THSD7B: variants seen among roughly 807,000 people sequenced by gnomAD.
THSD7B encodes the protein thrombospondin type-1 domain-containing protein 7B.
A neutral mutation model predicts 213.6 loss-of-function variants in THSD7B; 138 were observed. The ratio of observed to expected loss-of-function variants is 0.65; its 90% CI spans 0.56 to 0.74. THSD7B has a LOEUF of 0.74. THSD7B is among the 30% of genes least tolerant of loss of function. The pLI is 0.00. For synonymous variants in THSD7B, 742 were observed against 687.0 expected (o/e 1.08, Z -1.25); for missense variants, 1,931 against 1,991.5 (o/e 0.97, Z 0.58).
chr2:137,303,790 T>A (rs1013047891), intron 12 of THSD7B, among the ~76,000 whole-genome samples: 1 of 146,488 alleles, frequency 6.8e-6, no homozygotes, highest in Non-Finnish European at 1.5e-5. Context: ...TAAATAGGAT[T>A]TGGAGCTTCT....
At chr2:137,566,947 T>C (rs962840184) in intron 16 of THSD7B, among the ~76,000 whole-genome samples, 3 of 152,056 alleles carry the variant, frequency 2.0e-5, no homozygotes, top group Admixed American at 6.6e-5. Context: ...TGAATAAGCA[T>C]GAAGATCTGT....
intron 4 of THSD7B, among the ~76,000 whole-genome samples, chr2:137,110,133 C>T (rs1558924296): frequency 6.6e-6 from 1 of 152,150 alleles, no homozygotes; most frequent in Non-Finnish European, 1.5e-5. Context: ...ATCTCTCTCT[C>T]CCCACCTGGT....
At chr2:136,858,606 A>G (rs938461757) in intron 1 of THSD7B, among the ~76,000 whole-genome samples, 1 of 152,236 alleles carries the variant, frequency 6.6e-6, no homozygotes, top group African/African-American at 2.4e-5. Context: ...ATGATCTAAA[A>G]TAGTGATGCC....
At chr2:137,477,366 A>G (rs968620006) in intron 15 of THSD7B, among the ~76,000 whole-genome samples, 1 of 152,012 alleles carries the variant, frequency 6.6e-6, no homozygotes, top group African/African-American at 2.4e-5. Flanking sequence ...ATCTTTTTCC[A>G]TTCCTTTACT....
intron 14 of THSD7B, among the ~76,000 whole-genome samples, chr2:137,424,956 C>T (rs1422258954): frequency 6.6e-6 from 1 of 151,616 alleles, no homozygotes; most frequent in Non-Finnish European, 1.5e-5. Context: ...CCTGTAGTCC[C>T]AGCTACTTGG....
In THSD7B at chr2:137,135,065, T is replaced by C. The variant is rs189592822; in HGVS notation, c.1369+19772T>C. Among the ~76,000 whole-genome samples the C allele has an allele frequency of 2.6e-5, 4 of 152,278 alleles. No homozygotes were observed. In the East Asian group the frequency reaches 7.7e-4, roughly 29 times the overall value. On this transcript the variant is annotated intron_variant, in intron 5 of 27. Coordinates refer to ENST00000409968, the MANE Select transcript of THSD7B (RefSeq NM_001316349.2). ...CAGCCTTGCGAGTCTGTTGTAAGTA[T>C]TACATAAAATAGTAAACATATAATG... is the stretch of plus-strand genomic sequence containing the variant.
intron 21 of THSD7B, among the ~76,000 whole-genome samples, chr2:137,652,095 T>C (rs891538628): frequency 6.6e-6 from 1 of 152,082 alleles, no homozygotes; most frequent in Non-Finnish European, 1.5e-5. Context: ...TTAACTCTAG[T>C]GTTTCTTTGT....
intron 15 of THSD7B, among the ~76,000 whole-genome samples, chr2:137,556,609 C>G (rs900337273): frequency 6.6e-6 from 1 of 152,144 alleles, no homozygotes; most frequent in African/African-American, 2.4e-5. Flanking sequence ...TAAAGACCAT[C>G]GATGCTAGGA....
At chr2:137,366,385 T>TATA (rs1242640896) in intron 12 of THSD7B, among the ~76,000 whole-genome samples, 2 of 151,790 alleles carry the variant, frequency 1.3e-5, no homozygotes, top group East Asian at 3.9e-4. Flanking sequence ...GAACTTAAAG[T>TATA]ATAATAATAA....
At chr2:137,193,227 GTGTGCATA>G (rs1680695249) in intron 7 of THSD7B, among the ~76,000 whole-genome samples, 1 of 152,196 alleles carries the variant, frequency 6.6e-6, no homozygotes, top group Non-Finnish European at 1.5e-5. Flanking sequence ...ATGTGTGTAT[GTGTGCATA>G]TACATCCCTG....
At chr2:137,163,689 T>C (rs1309910430) in intron 6 of THSD7B, among the ~76,000 whole-genome samples, 1 of 152,216 alleles carries the variant, frequency 6.6e-6, no homozygotes, top group Non-Finnish European at 1.5e-5. Context: ...ATGATACATT[T>C]CTATTGATTT....
At chr2:137,087,677 C>T (rs1030399220) in intron 3 of THSD7B, among the ~76,000 whole-genome samples, 2 of 152,166 alleles carry the variant, frequency 1.3e-5, no homozygotes, top group Non-Finnish European at 2.9e-5. Flanking sequence ...AAACACATCC[C>T]ATGCTTATGG....
At chr2:137,135,089 T>C in intron 5 of THSD7B, among the ~76,000 whole-genome samples, 1 of 152,202 alleles carries the variant, frequency 6.6e-6, no homozygotes, top group East Asian at 1.9e-4. Flanking sequence ...AAACATATAA[T>C]GCTTAGCTTA....
chr2:137,182,488 G>A (rs1680474351), intron 7 of THSD7B, among the ~76,000 whole-genome samples: 1 of 152,054 alleles, frequency 6.6e-6, no homozygotes, highest in Non-Finnish European at 1.5e-5. Context: ...TGCCTATAGT[G>A]TATGAAGTTA....
chr2:137,598,148 G>C (rs1030263334), intron 17 of THSD7B, among the ~76,000 whole-genome samples: 12 of 151,890 alleles, frequency 7.9e-5, no homozygotes, highest in African/African-American at 2.9e-4. Context: ...TTTTAATAAA[G>C]ATCTAACAAA....
intron 3 of THSD7B, among the ~76,000 whole-genome samples, chr2:137,074,101 C>G (rs539608143): frequency 6.6e-6 from 1 of 150,818 alleles, no homozygotes; most frequent in South Asian, 2.1e-4. Context: ...TCTATTAGGT[C>G]CGCTTGGTAC....
intron 2 of THSD7B, among the ~76,000 whole-genome samples, chr2:137,035,732 A>G (rs140190688): frequency 1.8e-3 from 279 of 152,260 alleles, no homozygotes; most frequent in African/African-American, 6.5e-3. Flanking sequence ...ATCGCAGGCA[A>G]TACTTCCTTG....
chr2:137,373,346 C>T (rs75445622), intron 12 of THSD7B, among the ~76,000 whole-genome samples: 87,193 of 151,928 alleles, frequency 0.57, 27,729 homozygotes, highest in East Asian at 0.77. Context: ...TCTCCACATC[C>T]TCTCCAGCAC....
At chr2:136,966,737 G>T (rs556604932) in intron 2 of THSD7B, among the ~76,000 whole-genome samples, 4 of 152,166 alleles carry the variant, frequency 2.6e-5, no homozygotes, top group African/African-American at 9.6e-5. Flanking sequence ...TTTGCTGTTT[G>T]TCTTATTCTG....
Sources: allele counts gnomAD v4.1 joint callset (sites outside exome capture counted in the v4.1 genomes callset), GRCh38; gene constraint gnomAD v4.1.1; transcripts MANE v1.5; gene names NCBI Gene and HGNC (gene_info 2026-07-23, HGNC 2026-07-21).